The following MYH10 variants were observed in gnomAD, a reference collection of about 807,000 sequenced individuals.
MYH10 encodes myosin heavy chain 10, also known as myosin-10.
A neutral mutation model predicts 257.8 loss-of-function variants in MYH10; 55 were observed. The observed-to-expected ratio is 0.21, with a 90% CI of 0.17 to 0.27. The LOEUF is 0.27. Ranked by LOEUF, MYH10 falls within the 10% of genes least tolerant of loss-of-function variation. The pLI, the probability that MYH10 is intolerant of heterozygous loss-of-function variation, is 1.00. For synonymous variants in MYH10, 854 were observed against 921.7 expected, an observed-to-expected ratio of 0.93 and a Z score of 1.33; for missense variants, 1,631 against 2,500.6, an observed-to-expected ratio of 0.65 and a Z score of 7.42.
chr17:8,554,650 G>T (rs1486210293), intron 7 of MYH10, among the ~76,000 whole-genome samples: 1 of 152,256 alleles, frequency 6.6e-6, no homozygotes, highest in East Asian at 1.9e-4. Flanking sequence ...ATCTGATAAA[G>T]ATATTACAAG....
Position 8,474,778 on chromosome 17 carries a change from G to A in MYH10, c.*1026C>T, listed in dbSNP as rs1404602190. ...GGAAGGGAGAAGGAAAAATGAAGGAGTCACACCCACTGGCATGTCAACATT... is the reference window on the plus strand; with the variant it reads ...GGAAGGGAGAAGGAAAAATGAAGGAATCACACCCACTGGCATGTCAACATT... On this transcript the variant is annotated 3_prime_UTR_variant, in exon 43 of 43. Coordinates refer to ENST00000360416, the MANE Select transcript of MYH10 (RefSeq NM_001256012.3). 1 of 152,746 alleles carries A rather than the reference G, an allele frequency of 6.5e-6. No individual in the cohort carries two copies. The highest frequency in any genetic ancestry group is 2.4e-5 in the African/African-American group (1 of 41,454). 9.5% of individuals were successfully genotyped at this position (152,746 alleles called of 1,614,324 possible).
chr17:8,528,875 CT>C (rs1386156227), intron 17 of MYH10, among the ~76,000 whole-genome samples: 15 of 152,142 alleles, frequency 9.9e-5, no homozygotes, highest in African/African-American at 3.1e-4. Flanking sequence ...CATATTTGGC[CT>C]TGGTAGATGG....
intron 1 of MYH10, among the ~76,000 whole-genome samples, chr17:8,629,354 C>T: frequency 6.7e-6 from 1 of 149,502 alleles, no homozygotes; most frequent in African/African-American, 2.5e-5. Context: ...CCCAGCCCAC[C>T]CCACCCCCTT....
At chr17:8,541,538 G>A (rs1033055025) in intron 14 of MYH10, among the ~76,000 whole-genome samples, 1 of 151,998 alleles carries the variant, frequency 6.6e-6, no homozygotes, top group South Asian at 2.1e-4. Context: ...AAGCTTGAAC[G>A]TGAATGAGTT....
chr17:8,629,968 C>T (rs931374280), intron 1 of MYH10, among the ~76,000 whole-genome samples: 1 of 151,956 alleles, frequency 6.6e-6, no homozygotes, highest in African/African-American at 2.4e-5. Flanking sequence ...CTTCCCCGGC[C>T]GCGCAGAGCC....
chr17:8,514,127 C>T (rs1410126814), intron 21 of MYH10, among the ~76,000 whole-genome samples: 6 of 152,188 alleles, frequency 3.9e-5, no homozygotes, highest in African/African-American at 1.2e-4. Flanking sequence ...CCTGCACTGA[C>T]TTTCTTCAGG....
chr17:8,596,526 C>T (rs1047823506), intron 3 of MYH10, among the ~76,000 whole-genome samples: 1 of 152,010 alleles, frequency 6.6e-6, no homozygotes, highest in South Asian at 2.1e-4. Context: ...TTTATTTCTC[C>T]TAATGTAGGA....
intron 14 of MYH10, among the ~76,000 whole-genome samples, chr17:8,537,603 C>A (rs963968738): frequency 6.6e-6 from 1 of 152,186 alleles, no homozygotes; most frequent in African/African-American, 2.4e-5. Flanking sequence ...CCACCCTAAT[C>A]ACACAACAAC....
Position 8,566,150 on chromosome 17 carries a change from C to T in MYH10, c.756+3570G>A, listed in dbSNP as rs1455787389. On this transcript the variant is annotated intron_variant, in intron 7 of 42. Transcript: ENST00000360416. ...CAAAGAAAGATGTCTCCAGACACCG[C>T]CAACGTCCCTTGGGGAACCTCCAAT... Among the ~76,000 whole-genome samples, 9 of 152,216 alleles carry T rather than the reference C, an allele frequency of 5.9e-5. No homozygotes were observed. The East Asian group carries it at 1.7e-3, about 29-fold the overall frequency.
At chr17:8,511,412 G>T (rs977487987) in intron 24 of MYH10, among the ~76,000 whole-genome samples, 1 of 151,984 alleles carries the variant, frequency 6.6e-6, no homozygotes, top group African/African-American at 2.4e-5. Flanking sequence ...CCCAGCTACT[G>T]GGGAGGCTGA....
In MYH10 at chr17:8,580,049, C is replaced by T. The variant is rs55679225; in HGVS notation, c.531-2711G>A. ...GGTTGAGGCAGGAGAATTGCTTGAA[C>T]CTGGGAAATGGAGGCTGCAGTAAGC... On this transcript the variant is annotated intron_variant, in intron 4 of 42. Coordinates refer to ENST00000360416, the MANE Select transcript of MYH10 (RefSeq NM_001256012.3). Among the ~76,000 whole-genome samples the T allele has an allele frequency of 9.2e-3, 1,392 of 152,124 alleles. 10 individuals are homozygous for T. The highest frequency in any genetic ancestry group is 0.012 in the Non-Finnish European group (811 of 67,994).
intron 2 of MYH10, among the ~76,000 whole-genome samples, chr17:8,619,256 T>G (rs1414045806): frequency 6.6e-6 from 1 of 152,242 alleles, no homozygotes; most frequent in African/African-American, 2.4e-5. Context: ...ACTGCATTTT[T>G]TTTAAACTGC....
At chr17:8,538,848 A>G (rs1171018840) in intron 14 of MYH10, among the ~76,000 whole-genome samples, 3 of 152,240 alleles carry the variant, frequency 2.0e-5, no homozygotes, top group East Asian at 1.9e-4. Flanking sequence ...TGTGGTTTCA[A>G]TGTGTTCCCT....
At chr17:8,593,284 G>A (rs895932492) in intron 3 of MYH10, among the ~76,000 whole-genome samples, 14 of 152,032 alleles carry the variant, frequency 9.2e-5, no homozygotes, top group African/African-American at 3.1e-4. Context: ...GACAAGGGAA[G>A]GATATTTGTT....
At chr17:8,577,125 CA>C in intron 5 of MYH10, 110 bp downstream of exon 5, 1 of 739,476 alleles carries the variant, frequency 1.4e-6, no homozygotes, top group South Asian at 2.4e-5. Flanking sequence ...CAGGTGGAGA[CA>C]AGGGAGCTGT....
At chr17:8,492,167 G>C in intron 34 of MYH10, 130 bp downstream of exon 34, 1 of 867,648 alleles carries the variant, frequency 1.2e-6, no homozygotes. Context: ...ACTCCTAGAT[G>C]GCTTTGCTGC....
intron 35 of MYH10, among the ~76,000 whole-genome samples, chr17:8,488,769 C>T (rs898466156): frequency 3.9e-5 from 6 of 152,162 alleles, no homozygotes; most frequent in East Asian, 2.0e-4. Context: ...CAGCTGCTTC[C>T]GCATAGGGCA....
chr17:8,577,998 A>C (rs2083563310), intron 4 of MYH10, among the ~76,000 whole-genome samples: 2 of 152,190 alleles, frequency 1.3e-5, no homozygotes. Context: ...CTGCAAACAG[A>C]GAATCCCTAA....
rs755342253 is a variant in MYH10, at chr17:8,509,936, T to C, written c.2966A>G (p.Gln989Arg). The change falls in exon 25 of 43, where the codon CAG (glutamine) becomes CGG (arginine). Residue 989 changes from glutamine to arginine, a missense_variant. Gln to Arg is a conservative substitution (Grantham distance 43). Transcript: ENST00000360416. ...CCGAGCCCCTTCCTCCTCGTCTAGC[T>C]GTTCTTCCAGGTCCTTGTGAAGAAC... ...MQAHIQDLEEQLDEEEGARQK... is the reference protein window; with the variant it reads ...MQAHIQDLEERLDEEEGARQK... The C allele has an allele frequency of 6.2e-7, 1 of 1,612,118 alleles. No homozygotes were observed. The highest frequency in any genetic ancestry group is 8.5e-7 in the Non-Finnish European group (1 of 1,179,086).
Sources: allele counts gnomAD v4.1 joint callset (sites outside exome capture counted in the v4.1 genomes callset), GRCh38; gene constraint gnomAD v4.1.1; transcripts MANE v1.5; gene names NCBI Gene and HGNC (gene_info 2026-07-23, HGNC 2026-07-21).